The following SOX5 variants were observed in gnomAD, a reference collection of about 807,000 sequenced individuals.
The protein encoded by SOX5 is SRY-box transcription factor 5, also known as transcription factor SOX-5.
In SOX5, 9 loss-of-function variants were observed where a neutral mutation model predicts 92.0. That is an observed-to-expected ratio of 0.10 (90% CI 0.06 to 0.17). The LOEUF (loss-of-function observed/expected upper bound fraction) is 0.17, where lower values mean the gene tolerates loss of function less well. SOX5 is among the 10% of genes least tolerant of loss of function. The pLI is 1.00. For missense variants in SOX5, 642 were observed against 944.5 expected, an observed-to-expected ratio of 0.68 and a Z score of 4.20; for synonymous variants, 344 against 336.3, an observed-to-expected ratio of 1.02 and a Z score of -0.25.
At chr12:23,604,286 A>G (rs1592490174) in intron 9 of SOX5, 101 bp downstream of exon 9, 2 of 1,287,254 alleles carry the variant, frequency 1.6e-6, no homozygotes, top group Non-Finnish European at 2.2e-6. Flanking sequence ...TTGTACACCC[A>G]GAGTTTAAGC....
At chr12:24,550,264 C>T (rs944257608) in intron 1 of SOX5, among the ~76,000 whole-genome samples, 6 of 152,024 alleles carry the variant, frequency 3.9e-5, no homozygotes, top group African/African-American at 7.2e-5. Flanking sequence ...GGAGCAGGGG[C>T]GCCATGATGG....
chr12:24,401,626 A>G (rs1265540399), intron 1 of SOX5, among the ~76,000 whole-genome samples: 1 of 149,136 alleles, frequency 6.7e-6, no homozygotes, highest in Non-Finnish European at 1.5e-5. Context: ...AAGAGGATGA[A>G]TTCTGCCCAG....
At chr12:24,029,960 C>T (rs1220077204) in intron 4 of SOX5, among the ~76,000 whole-genome samples, 1 of 151,950 alleles carries the variant, frequency 6.6e-6, no homozygotes. Flanking sequence ...GTTCTCACTG[C>T]TTCATGTGTA....
intron 4 of SOX5, among the ~76,000 whole-genome samples, chr12:24,084,354 A>G (rs1943714839): frequency 6.6e-6 from 1 of 152,010 alleles, no homozygotes. Context: ...TAATTTCCTT[A>G]ATATCACAGA....
intron 9 of SOX5, among the ~76,000 whole-genome samples, chr12:23,594,403 G>A (rs1952044335): frequency 6.6e-6 from 1 of 152,028 alleles, no homozygotes; most frequent in Non-Finnish European, 1.5e-5. Flanking sequence ...ACACATCACA[G>A]GCAATTAACA....
At chr12:24,247,760 C>T (rs181916142) in intron 3 of SOX5, among the ~76,000 whole-genome samples, 12 of 150,928 alleles carry the variant, frequency 8.0e-5, no homozygotes, top group Admixed American at 1.3e-4. Flanking sequence ...AAGCAATTCC[C>T]GTGCCTCAGC....
intron 4 of SOX5, among the ~76,000 whole-genome samples, chr12:24,196,250 T>C (rs746158769): frequency 2.0e-5 from 3 of 152,228 alleles, no homozygotes; most frequent in Non-Finnish European, 4.4e-5. Flanking sequence ...GTGAAGCACG[T>C]GATTCTGAAA....
chr12:24,079,603 T>A (rs978020736), intron 4 of SOX5, among the ~76,000 whole-genome samples: 1 of 151,998 alleles, frequency 6.6e-6, no homozygotes, highest in African/African-American at 2.4e-5. Context: ...AAACACTAAT[T>A]TGAAACCACT....
At chr12:24,321,464 C>T (rs982966814) in intron 2 of SOX5, among the ~76,000 whole-genome samples, 53 of 152,106 alleles carry the variant, frequency 3.5e-4, no homozygotes, top group African/African-American at 1.3e-3. Context: ...AATTTGTTCA[C>T]ATGTAAGTGT....
intron 7 of SOX5, among the ~76,000 whole-genome samples, chr12:23,655,055 T>C (rs1222116129): frequency 1.3e-5 from 2 of 152,096 alleles, no homozygotes; most frequent in African/African-American, 4.8e-5. Context: ...GTTACCTAGT[T>C]GGCTAGTTTA....
chr12:23,780,611 A>AG (rs1384526836), intron 3 of SOX5, among the ~76,000 whole-genome samples: 1 of 152,132 alleles, frequency 6.6e-6, no homozygotes, highest in Non-Finnish European at 1.5e-5. Context: ...ATTTAGAACA[A>AG]GAGTACAAAA....
intron 11 of SOX5, among the ~76,000 whole-genome samples, chr12:23,550,691 A>G (rs112772572): frequency 1.3e-5 from 2 of 151,906 alleles, no homozygotes; most frequent in Non-Finnish European, 2.9e-5. Flanking sequence ...TTTCAATTTC[A>G]TACTCAGGCA....
chr12:23,700,453 G>A (rs2090472997), intron 6 of SOX5, among the ~76,000 whole-genome samples: 1 of 152,100 alleles, frequency 6.6e-6, no homozygotes, highest in East Asian at 1.9e-4. Flanking sequence ...ATATTATAAA[G>A]CACTTTTAAC....
Position 23,846,212 on chromosome 12 carries a change from T to G in SOX5, c.271-19A>C, listed in dbSNP as rs373360751. The G allele has an allele frequency of 7.6e-6, 12 of 1,576,820 alleles. No individual in the cohort carries two copies. Among genetic ancestry groups the G allele is most frequent in the Non-Finnish European group, 1.0e-5 (12 of 1,146,376 alleles). ...CAACTTCCTGAAAGAGAAAGCAAAA[T>G]GACAAATAATTGTTTACCTGAAAGA... On this transcript the variant is annotated intron_variant, in intron 2 of 14. Transcript: ENST00000451604.
chr12:23,544,939 T>A (rs532326134), intron 12 of SOX5, among the ~76,000 whole-genome samples: 2 of 152,344 alleles, frequency 1.3e-5, no homozygotes, highest in Non-Finnish European at 2.9e-5. Context: ...GAACATTATG[T>A]GTCTTCATCA....
At chr12:23,561,438 A>T (rs529185087) in intron 11 of SOX5, among the ~76,000 whole-genome samples, 61 of 152,340 alleles carry the variant, frequency 4.0e-4, no homozygotes, top group Admixed American at 5.9e-4. Flanking sequence ...GTGTTAGAAC[A>T]ACAGCTGATC....
At chr12:24,234,449 T>C (rs2948115) in intron 3 of SOX5, among the ~76,000 whole-genome samples, 78,914 of 151,948 alleles carry the variant, frequency 0.52, 21,205 homozygotes, top group Non-Finnish European at 0.56. Context: ...ACAATCTCGG[T>C]TCACTGCAAC....
At chr12:23,541,657 T>A (rs981179998) in intron 13 of SOX5, among the ~76,000 whole-genome samples, 4 of 152,362 alleles carry the variant, frequency 2.6e-5, no homozygotes, top group Admixed American at 1.3e-4. Context: ...ATATTTTCTA[T>A]GTATACTACT....
chr12:24,286,936 C>A lies in SOX5; in HGVS notation c.-173-9624G>T, dbSNP rs977824755. Among the ~76,000 whole-genome samples the A allele has an allele frequency of 5.9e-5, 9 of 152,156 alleles. No homozygotes were observed. The South Asian group carries it at 1.0e-3, about 18-fold the overall frequency. On this transcript the variant is annotated intron_variant, in intron 2 of 4. Coordinates refer to the SOX5 transcript ENST00000446891. The stretch of plus-strand genomic sequence containing the variant: ...TAAATTTATTCCAGCATACACCATA[C>A]CAAGGAAAGGTAAAAGATCAAACAG...
Sources: allele counts gnomAD v4.1 joint callset (sites outside exome capture counted in the v4.1 genomes callset), GRCh38; gene constraint gnomAD v4.1.1; transcripts MANE v1.5; gene names NCBI Gene and HGNC (gene_info 2026-07-23, HGNC 2026-07-21).